The following BHMT2 variants were observed in gnomAD, a reference collection of about 807,000 sequenced individuals.
The protein encoded by BHMT2 is betaine--homocysteine S-methyltransferase 2.
BHMT2 carries 28 observed loss-of-function variants against 39.0 expected under a neutral mutation model. That is an observed-to-expected ratio of 0.72 (90% CI 0.53 to 0.98). The LOEUF (loss-of-function observed/expected upper bound fraction) is 0.98, where lower values mean the gene tolerates loss of function less well. Ranked by LOEUF, BHMT2 falls within the 50% of genes least tolerant of loss-of-function variation. BHMT2 has a pLI of 0.00. For missense variants in BHMT2, 410 were observed against 455.6 expected, an observed-to-expected ratio of 0.90 and a Z score of 0.91; for synonymous variants, 145 against 160.6, an observed-to-expected ratio of 0.90 and a Z score of 0.74.
At chr5:79,075,700 C>T (rs1033804235) in intron 1 of BHMT2, among the ~76,000 whole-genome samples, 1 of 152,162 alleles carries the variant, frequency 6.6e-6, no homozygotes, top group African/African-American at 2.4e-5. Flanking sequence ...AAAGGTGACA[C>T]TTGACCAAAG....
chr5:79,082,965 G>T lies in BHMT2; in HGVS notation c.598+9G>T. 2 of 1,613,994 alleles carry T rather than the reference G, an allele frequency of 1.2e-6. No individual in the cohort carries two copies. Among genetic ancestry groups the T allele is most frequent in the Non-Finnish European group, 1.7e-6 (2 of 1,179,974 alleles). ...GAGGCTGGTGAAGGCAGGTAATTTGGACCCATACCGTGATACACAGCTCAG... is the reference window on the plus strand; with the variant it reads ...GAGGCTGGTGAAGGCAGGTAATTTGTACCCATACCGTGATACACAGCTCAG... On this transcript the variant is annotated intron_variant, in intron 5 of 7. Coordinates refer to ENST00000255192, the MANE Select transcript of BHMT2 (RefSeq NM_017614.5).
chr5:79,073,643 T>G (rs771425847), intron 1 of BHMT2, among the ~76,000 whole-genome samples: 14 of 152,234 alleles, frequency 9.2e-5, no homozygotes, highest in Non-Finnish European at 1.3e-4. Flanking sequence ...AATATTAACA[T>G]TTCTTCTGCA....
chr5:79,079,145 A>T (rs957458515), intron 2 of BHMT2, among the ~76,000 whole-genome samples: 3 of 152,242 alleles, frequency 2.0e-5, no homozygotes. Context: ...GCACCAAGTC[A>T]TTGAGGCCCA....
chr5:79,079,274 G>A, intron 2 of BHMT2, 95 bp from the exon 3 acceptor site: 1 of 823,470 alleles, frequency 1.2e-6, no homozygotes, highest in Non-Finnish European at 2.0e-6. Context: ...GAAAGAGATG[G>A]GAGTCAGTGA....
intron 3 of BHMT2, among the ~76,000 whole-genome samples, chr5:79,079,892 C>CA (rs897196950): frequency 4.0e-4 from 60 of 150,022 alleles, no homozygotes; most frequent in Admixed American, 1.9e-3. Context: ...CCCATGTCAG[C>CA]AAAAAAAAAG....
At chr5:79,076,805 G>A (rs535494860) in intron 1 of BHMT2, among the ~76,000 whole-genome samples, 2 of 152,272 alleles carry the variant, frequency 1.3e-5, no homozygotes, top group Admixed American at 6.5e-5. Context: ...TGGCTGACAC[G>A]AAGAAAAATT....
intron 4 of BHMT2, 137 bp downstream of exon 4, chr5:79,081,015 C>T: frequency 1.3e-6 from 1 of 792,326 alleles, no homozygotes; most frequent in Non-Finnish European, 1.9e-6. Context: ...TATTTAAATG[C>T]ATGGTAGTCA....
At chr5:79,073,450 T>G (rs1370579974) in intron 1 of BHMT2, among the ~76,000 whole-genome samples, 1 of 152,360 alleles carries the variant, frequency 6.6e-6, no homozygotes, top group East Asian at 1.9e-4. Flanking sequence ...TTTGAGCTTG[T>G]GGAGGGCAGA....
In BHMT2 at chr5:79,089,742, A is replaced by C. The variant is rs1755986022; in HGVS notation, c.*1168A>C. Among the ~76,000 whole-genome samples the C allele has an allele frequency of 6.6e-6, 1 of 152,116 alleles. No individual in the cohort carries two copies. Among genetic ancestry groups the C allele is most frequent in the Admixed American group, 6.5e-5 (1 of 15,284 alleles). On this transcript the variant is annotated 3_prime_UTR_variant, in exon 8 of 8. Transcript: ENST00000255192. ...AGCACTTTGGGAGGCCAGGGCGGGC[A>C]GATCACTTGGGTCAAGAGTTCAAGG...
intron 1 of BHMT2, among the ~76,000 whole-genome samples, 155 bp from the exon 2 acceptor site, chr5:79,077,325 T>C (rs879729987): frequency 2.0e-5 from 3 of 152,150 alleles, no homozygotes; most frequent in African/African-American, 7.2e-5. Flanking sequence ...AGAAATATGG[T>C]ATGCTCAATC....
At chr5:79,079,521 G>A in intron 3 of BHMT2, 61 bp downstream of exon 3, 1 of 1,157,148 alleles carries the variant, frequency 8.6e-7, no homozygotes, top group African/African-American at 1.5e-5. Context: ...ACCTCTTCAT[G>A]GGAAGCTATG....
At chr5:79,087,780 C>G (rs111231049) in intron 7 of BHMT2, among the ~76,000 whole-genome samples, 2,489 of 152,294 alleles carry the variant, frequency 0.016, 65 homozygotes, top group African/African-American at 0.057. Flanking sequence ...TACTTTGACT[C>G]ATTACATTAA....
intron 4 of BHMT2, 146 bp from the exon 5 acceptor site, chr5:79,082,663 G>A (rs1411233043): frequency 1.2e-6 from 1 of 859,864 alleles, no homozygotes; most frequent in Non-Finnish European, 1.8e-6. Context: ...TAGTCAGTCT[G>A]ATAGACACAC....
At chr5:79,077,817 C>T (rs1174207857) in intron 2 of BHMT2, 8 of 453,570 alleles carry the variant, frequency 1.8e-5, no homozygotes, top group East Asian at 4.0e-5. Context: ...CACCTACCCA[C>T]ATCACACACC....
At chr5:79,072,249 A>C (rs1755594139) in intron 1 of BHMT2, among the ~76,000 whole-genome samples, 1 of 151,908 alleles carries the variant, frequency 6.6e-6, no homozygotes, top group South Asian at 2.1e-4. Context: ...CCTGGGCGAC[A>C]AGAGTGAAAC....
rs1755955450 is a variant in BHMT2, at chr5:79,088,619, T to C, written c.*45T>C. On this transcript the variant is annotated 3_prime_UTR_variant, in exon 8 of 8. Coordinates refer to ENST00000255192, the MANE Select transcript of BHMT2 (RefSeq NM_017614.5). ...CTGAAATAATCGAACAGGAAAAAGT[T>C]GCCCTCAAGCCTGACCTGGAACCGT... is the stretch of plus-strand genomic sequence containing the variant. 2 of 1,567,158 alleles carry C rather than the reference T, an allele frequency of 1.3e-6. No homozygotes were observed. Among genetic ancestry groups the C allele is most frequent in the African/African-American group, 2.7e-5 (2 of 73,956 alleles).
chr5:79,077,353 G>C (rs1755690629), intron 1 of BHMT2, 127 bp from the exon 2 acceptor site: 2 of 1,252,344 alleles, frequency 1.6e-6, no homozygotes, highest in South Asian at 1.7e-5. Flanking sequence ...AATATTATTA[G>C]AGCACATGAT....
intron 2 of BHMT2, chr5:79,077,962 C>G (rs971150101): frequency 2.9e-5 from 5 of 173,378 alleles, no homozygotes; most frequent in African/African-American, 1.2e-4. Context: ...ACAACACACT[C>G]TCACACACAC....
At chr5:79,070,331 C>G (rs557571837) in intron 1 of BHMT2, among the ~76,000 whole-genome samples, 489 of 152,280 alleles carry the variant, frequency 3.2e-3, no homozygotes, top group African/African-American at 0.011. Flanking sequence ...TAGTCCTGGG[C>G]AAGGACGCCC....
Sources: allele counts gnomAD v4.1 joint callset (sites outside exome capture counted in the v4.1 genomes callset), GRCh38; gene constraint gnomAD v4.1.1; transcripts MANE v1.5; gene names NCBI Gene and HGNC (gene_info 2026-07-23, HGNC 2026-07-21).